TRDN: variants seen among roughly 807,000 people sequenced by gnomAD.
TRDN encodes triadin in skeletal muscle.
A neutral mutation model predicts 149.7 loss-of-function variants in TRDN; 161 were observed. The ratio of observed to expected loss-of-function variants is 1.08; its 90% CI spans 0.95 to 1.23. The LOEUF (loss-of-function observed/expected upper bound fraction) is 1.23. TRDN is among the 50% of genes most tolerant of loss of function. The pLI is 0.00. For missense variants in TRDN, 896 were observed against 823.5 expected (o/e 1.09, Z -1.08); for synonymous variants, 294 against 250.5 (o/e 1.17, Z -1.64).
chr6:123,372,121 A>T lies in TRDN; in HGVS notation c.1273+3484T>A, dbSNP rs189441002. On this transcript the variant is annotated intron_variant, in intron 19 of 40. Coordinates refer to ENST00000334268, the MANE Select transcript of TRDN (RefSeq NM_006073.4). ...CAAGCATGCTGGTTCAGGCCTATAG[A>T]TCTTCCCGGAGACTTCTGCCATTTC... 2.1e-3 allele frequency among the ~76,000 whole-genome samples: 324 copies of T among 152,184 alleles called. 1 individual carries two copies. Among genetic ancestry groups the T allele is most frequent in the South Asian group, 3.9e-3 (19 of 4,824 alleles).
chr6:123,351,839 C>T (rs754977486), intron 21 of TRDN: 160 of 978,640 alleles, frequency 1.6e-4, no homozygotes, highest in Middle Eastern at 5.2e-4. Context: ...CATGAGGGAA[C>T]GACAATTAAA....
At chr6:123,317,598 CT>C (rs1216787194) in intron 23 of TRDN, among the ~76,000 whole-genome samples, 1 of 151,908 alleles carries the variant, frequency 6.6e-6, no homozygotes, top group Non-Finnish European at 1.5e-5. Context: ...ATTTCTCCCC[CT>C]TTTTGACACA....
intron 4 of TRDN, among the ~76,000 whole-genome samples, chr6:123,534,443 A>G (rs1417906087): frequency 6.6e-6 from 1 of 152,244 alleles, no homozygotes; most frequent in South Asian, 2.1e-4. Context: ...TTGTCAGGAG[A>G]ATCCAGTAAA....
At chr6:123,305,623 A>C (rs1329982516) in intron 24 of TRDN, among the ~76,000 whole-genome samples, 1 of 152,156 alleles carries the variant, frequency 6.6e-6, no homozygotes, top group Non-Finnish European at 1.5e-5. Flanking sequence ...TAGGACAAAA[A>C]GTTTCTGTTT....
intron 1 of TRDN, among the ~76,000 whole-genome samples, chr6:123,587,685 G>C (rs1562409585): frequency 6.6e-6 from 1 of 151,950 alleles, no homozygotes; most frequent in Non-Finnish European, 1.5e-5. Flanking sequence ...GGGTGCAGGT[G>C]GGCTGAGTCC....
chr6:123,239,237 T>TA (rs1449202818), intron 38 of TRDN, among the ~76,000 whole-genome samples: 9 of 152,184 alleles, frequency 5.9e-5, no homozygotes, highest in African/African-American at 2.2e-4. Context: ...GATATAAACT[T>TA]ACGTATAACA....
chr6:123,271,787 A>G (rs192827173), intron 29 of TRDN, among the ~76,000 whole-genome samples: 1 of 152,158 alleles, frequency 6.6e-6, no homozygotes, highest in Admixed American at 6.6e-5. Flanking sequence ...TCAACTGATC[A>G]AATATCCTAA....
intron 7 of TRDN, among the ~76,000 whole-genome samples, chr6:123,511,404 AT>A (rs796650239): frequency 5.5e-4 from 84 of 152,272 alleles, no homozygotes; most frequent in African/African-American, 1.9e-3. Flanking sequence ...TGATTTGATC[AT>A]TATATATTAT....
intron 24 of TRDN, among the ~76,000 whole-genome samples, chr6:123,301,772 T>TATATATATATACAC (rs1562252307): frequency 8.0e-6 from 1 of 124,876 alleles, no homozygotes; most frequent in African/African-American, 2.9e-5. Flanking sequence ...TATATATACA[T>TATATATATATACAC]ATATATATAT....
chr6:123,370,349 T>C (rs540228876), intron 19 of TRDN, among the ~76,000 whole-genome samples: 3 of 152,186 alleles, frequency 2.0e-5, no homozygotes, highest in East Asian at 3.9e-4. Flanking sequence ...ATATTTAGTG[T>C]TATATAAATT....
In TRDN at chr6:123,393,673, C is replaced by G; in HGVS notation, c.1056G>C (p.Pro352=). 6.2e-7 allele frequency: 1 copy of G among 1,604,256 alleles called. No individual in the cohort carries two copies. The highest frequency in any genetic ancestry group is 1.1e-5 in the South Asian group (1 of 89,738). The part of the protein sequence containing the change: ...ETAIDVEKKE[P]GKASETKQGT... ...CTTGTTTGGTTTCAGAAGCTTTTCC[C>G]GGCTCTTGGAATGAAAAAAACATAA... Residue 352 remains proline, a synonymous_variant, in exon 13 of 41, where the codon CCG becomes CCC. Coordinates refer to ENST00000334268, the MANE Select transcript of TRDN (RefSeq NM_006073.4).
At chr6:123,304,495 G>A (rs756549827) in intron 24 of TRDN, among the ~76,000 whole-genome samples, 8 of 151,850 alleles carry the variant, frequency 5.3e-5, no homozygotes, top group East Asian at 1.9e-4. Context: ...CTCATGATCC[G>A]CCAGCCTCGG....
chr6:123,301,351 C>T (rs11964639), intron 24 of TRDN, among the ~76,000 whole-genome samples: 2,967 of 151,952 alleles, frequency 0.02, 87 homozygotes, highest in South Asian at 0.077. Context: ...CTTTCTTTCA[C>T]GTCCTTGAAA....
intron 9 of TRDN, among the ~76,000 whole-genome samples, chr6:123,478,694 G>T (rs558177315): frequency 9.2e-5 from 14 of 152,244 alleles, no homozygotes; most frequent in African/African-American, 3.4e-4. Flanking sequence ...AGCATGCAAT[G>T]TCCTAACTTG....
chr6:123,257,725 C>A (rs1776612646), intron 35 of TRDN, among the ~76,000 whole-genome samples: 1 of 152,134 alleles, frequency 6.6e-6, no homozygotes, highest in Admixed American at 6.5e-5. Flanking sequence ...TTACTTTAGG[C>A]AGTATGGCCA....
At chr6:123,241,030 A>G (rs1487243304) in intron 38 of TRDN, among the ~76,000 whole-genome samples, 1 of 151,700 alleles carries the variant, frequency 6.6e-6, no homozygotes, top group African/African-American at 2.4e-5. Context: ...TGTGTTTAAG[A>G]ATTTCTGTGT....
chr6:123,228,441 A>C (rs1775470129), intron 38 of TRDN, among the ~76,000 whole-genome samples: 1 of 151,974 alleles, frequency 6.6e-6, no homozygotes, highest in African/African-American at 2.4e-5. Context: ...GGAAACTTAC[A>C]TCACGGCAGA....
chr6:123,444,505 C>T (rs200009237), intron 10 of TRDN, among the ~76,000 whole-genome samples: 1 of 150,526 alleles, frequency 6.6e-6, no homozygotes, highest in Non-Finnish European at 1.5e-5. Context: ...AATTGAATAC[C>T]ATTTATTTCC....
At chr6:123,616,142 G>A (rs987086793) in intron 1 of TRDN, among the ~76,000 whole-genome samples, 6 of 152,128 alleles carry the variant, frequency 3.9e-5, no homozygotes, top group African/African-American at 1.2e-4. Flanking sequence ...CTTGAGGCTA[G>A]GAATTTGAGA....
Sources: gnomAD v4.1 joint callset for allele counts (sites outside exome capture counted in the v4.1 genomes callset) on GRCh38, gnomAD v4.1.1 for gene constraint, MANE v1.5 for transcripts, NCBI Gene and HGNC (gene_info 2026-07-23, HGNC 2026-07-21) for gene names.